The following KIAA1549 variants were observed in gnomAD, a reference collection of about 807,000 sequenced individuals.
KIAA1549 encodes KIAA1549.
A neutral mutation model predicts 156.4 loss-of-function variants in KIAA1549; 70 were observed. That is an observed-to-expected ratio of 0.45 (90% CI 0.37 to 0.55). KIAA1549 has a LOEUF of 0.55. Ranked by LOEUF, KIAA1549 falls within the 20% of genes least tolerant of loss-of-function variation. The pLI is 0.00. For missense variants in KIAA1549, 2,428 were observed against 2,540.9 expected, an observed-to-expected ratio of 0.96 and a Z score of 0.96; for synonymous variants, 1,103 against 1,066.4, an observed-to-expected ratio of 1.03 and a Z score of -0.67.
At chr7:138,907,134 A>T in intron 5 of KIAA1549, 32 bp from the exon 6 acceptor site, 1 of 1,477,554 alleles carries the variant, frequency 6.8e-7, no homozygotes, top group African/African-American at 1.4e-5. Context: ...AAGCTTCTAT[A>T]ATAAAACATT....
chr7:138,946,015 C>T (rs1485679853), intron 1 of KIAA1549, among the ~76,000 whole-genome samples: 2 of 151,930 alleles, frequency 1.3e-5, no homozygotes, highest in African/African-American at 4.8e-5. Context: ...TTACAAGTTC[C>T]CCTTCCCCTT....
intron 15 of KIAA1549, among the ~76,000 whole-genome samples, chr7:138,865,221 T>A (rs1455404679): frequency 6.6e-6 from 1 of 150,914 alleles, no homozygotes; most frequent in Non-Finnish European, 1.5e-5. Context: ...AGAGCTGGAG[T>A]GTCTCAAAAA....
At position 138,840,487 on chromosome 7, in the gene KIAA1549, C is replaced by T. The variant is rs530303405; in HGVS notation, c.5453-209G>A. On this transcript the variant is annotated intron_variant, in intron 18 of 19. Transcript: ENST00000422774. ...TGAGGGTCCCATAGGTAAGGAAATG[C>T]ACCACGAAGCGGTAGGAAAATGTAC... is the stretch of plus-strand genomic sequence containing the variant. Among the ~76,000 whole-genome samples, 31 of 152,084 alleles carry T rather than the reference C, an allele frequency of 2.0e-4. No individual in the cohort carries two copies. The South Asian group carries it at 6.0e-3, about 30-fold the overall frequency.
At position 138,834,364 on chromosome 7, in the gene KIAA1549, G is replaced by C. The variant is rs1369002997; in HGVS notation, c.*3542C>G. On this transcript the variant is annotated 3_prime_UTR_variant, in exon 20 of 20. Transcript: ENST00000422774. ...GGGTTTTGCCATGTTGCCTGGGCTG[G>C]TTTTAAGCTCTTGATCTCAAGTGAT... 1.0e-5 allele frequency: 2 copies of C among 190,846 alleles called. No homozygotes were observed. Among genetic ancestry groups the C allele is most frequent in the Non-Finnish European group, 2.2e-5 (2 of 91,090 alleles). 11.8% of individuals were successfully genotyped at this position (190,846 alleles called of 1,614,324 possible).
intron 1 of KIAA1549, among the ~76,000 whole-genome samples, chr7:138,965,981 C>T (rs896569638): frequency 7.2e-5 from 11 of 152,190 alleles, no homozygotes; most frequent in African/African-American, 2.7e-4. Flanking sequence ...CCTCCCCCAA[C>T]ACCAGGCACA....
At chr7:138,894,618 G>A (rs1468810442) in intron 9 of KIAA1549, 92 bp from the exon 10 acceptor site, 30 of 1,243,874 alleles carry the variant, frequency 2.4e-5, no homozygotes, top group Middle Eastern at 3.9e-4. Context: ...AGAAGTCCCT[G>A]ACATTCCAGC....
chr7:138,918,454 G>T lies in KIAA1549; in HGVS notation c.1172C>A (p.Ser391Tyr). Residue 391 changes from serine to tyrosine, a missense_variant, in exon 2 of 20, where the codon TCC becomes TAC. This residue lies in a region of KIAA1549 where 893 missense variants were observed against 847.9 expected (regional missense o/e 1.05). Transcript: ENST00000422774. The surrounding 1 kb of genome is among the most constrained non-coding windows in gnomAD (Gnocchi z 4.2). ...PFLPSDSSKT[S>Y]ELHSNSALPG... ...GAGGGCTGAATTGCTATGCAATTCG[G>T]ATGTTTTGCTGGAGTCGCTAGGGAG... The T allele has an allele frequency of 6.2e-7, 1 of 1,614,022 alleles. No individual in the cohort carries two copies. The highest frequency in any genetic ancestry group is 8.5e-7 in the Non-Finnish European group (1 of 1,179,894).
intron 10 of KIAA1549, among the ~76,000 whole-genome samples, chr7:138,887,259 A>G (rs1247858468): frequency 6.6e-6 from 1 of 152,148 alleles, no homozygotes; most frequent in Non-Finnish European, 1.5e-5. Context: ...GCACTTGTGT[A>G]AATTATTTAA....
At chr7:138,883,958 G>A (rs888164972) in intron 10 of KIAA1549, among the ~76,000 whole-genome samples, 1 of 152,144 alleles carries the variant, frequency 6.6e-6, no homozygotes, top group Non-Finnish European at 1.5e-5. Context: ...CAGCCCCAAG[G>A]TAGCTGCAGG....
intron 10 of KIAA1549, among the ~76,000 whole-genome samples, chr7:138,886,731 T>C (rs548286888): frequency 7.9e-5 from 12 of 152,280 alleles, no homozygotes; most frequent in African/African-American, 2.6e-4. Context: ...TGTTTTCTGA[T>C]TAAAGAGCTC....
intron 1 of KIAA1549, among the ~76,000 whole-genome samples, chr7:138,932,239 A>T (rs1257912455): frequency 6.6e-6 from 1 of 152,198 alleles, no homozygotes; most frequent in East Asian, 1.9e-4. Flanking sequence ...TTTTGTCTTA[A>T]CTGGAAAACA....
At chr7:138,927,919 T>G (rs576206591) in intron 1 of KIAA1549, among the ~76,000 whole-genome samples, 1 of 151,310 alleles carries the variant, frequency 6.6e-6, no homozygotes, top group South Asian at 2.1e-4. Flanking sequence ...GCTATTGTCT[T>G]GTCTTTTTTT....
chr7:138,883,002 A>G (rs991255132), intron 10 of KIAA1549, among the ~76,000 whole-genome samples: 3 of 150,064 alleles, frequency 2.0e-5, no homozygotes, highest in South Asian at 2.1e-4. Context: ...CTGTAATCCC[A>G]GCATTTCGGG....
At chr7:138,924,495 C>T (rs1260565529) in intron 1 of KIAA1549, among the ~76,000 whole-genome samples, 1 of 152,034 alleles carries the variant, frequency 6.6e-6, no homozygotes, top group Non-Finnish European at 1.5e-5. Context: ...AATTTATGAA[C>T]CTGGGTATCT....
chr7:138,909,103 G>A lies in KIAA1549; in HGVS notation c.3164C>T (p.Pro1055Leu), dbSNP rs368584498. 2.5e-5 allele frequency: 41 copies of A among 1,613,358 alleles called. No homozygotes were observed. The highest frequency in any genetic ancestry group is 2.5e-4 in the East Asian group (11 of 44,884). Residue 1055 changes from proline (P) to leucine (L), a missense_variant, in exon 5 of 20, where the codon CCG (proline) becomes CTG (leucine). Pro to Leu is a moderately conservative substitution (Grantham distance 98, BLOSUM62 -3). Transcript: ENST00000422774. ...QVQTVLQFVPPSVDTGFCNFT... is the reference protein window; with the variant it reads ...QVQTVLQFVPLSVDTGFCNFT... ...GTTGCAGAAGCCAGTATCCACACTCGGAGGCACAAACTGAAGTACTGAAAA... is the reference window on the plus strand; with the variant it reads ...GTTGCAGAAGCCAGTATCCACACTCAGAGGCACAAACTGAAGTACTGAAAA...
chr7:138,899,953 C>T (rs1407258770), intron 8 of KIAA1549, among the ~76,000 whole-genome samples: 1 of 152,178 alleles, frequency 6.6e-6, no homozygotes, highest in Non-Finnish European at 1.5e-5. Context: ...TAATAATATG[C>T]AACAATGTGA....
At position 138,835,262 on chromosome 7, in the gene KIAA1549, GAAGC is replaced by G. The variant is rs1040444235; in HGVS notation, c.*2640_*2643del. On this transcript the variant is annotated 3_prime_UTR_variant, in exon 20 of 20. Transcript: ENST00000422774. The stretch of plus-strand genomic sequence containing the variant: ...AAACTGTTGTGGCAGGCGTCGAGAG[GAAGC>G]AAGTACAAACTGTGTGTGCTTTATG... The G allele has an allele frequency of 1.4e-5, 3 of 214,702 alleles. No homozygotes were observed. Among genetic ancestry groups the G allele is most frequent in the African/African-American group, 2.3e-5 (1 of 44,252 alleles). The allele number at this position is 214,702 out of a possible 1,614,324, so 13.3% of individuals were successfully genotyped here.
chr7:138,965,973 T>TC (rs1410813004), intron 1 of KIAA1549, among the ~76,000 whole-genome samples: 1 of 151,954 alleles, frequency 6.6e-6, no homozygotes, highest in African/African-American at 2.4e-5. Context: ...CTCCTGTGCC[T>TC]CCCCCAACAC....
intron 15 of KIAA1549, among the ~76,000 whole-genome samples, chr7:138,864,841 A>C (rs1174092974): frequency 1.3e-5 from 2 of 152,266 alleles, no homozygotes; most frequent in Non-Finnish European, 2.9e-5. Context: ...AGGTTTTATG[A>C]GTCATATAGT....
Sources: gnomAD v4.1 joint callset for allele counts (sites outside exome capture counted in the v4.1 genomes callset) on GRCh38, gnomAD v4.1.1 for gene constraint, gnomAD v4.1.1 regional missense constraint, Gnocchi (gnomAD v3.1) non-coding constraint, MANE v1.5 for transcripts, NCBI Gene and HGNC (gene_info 2026-07-23, HGNC 2026-07-21) for gene names.